COQ5: variants seen among roughly 807,000 people sequenced by gnomAD.
COQ5 encodes coenzyme Q5, methyltransferase.
Under a neutral mutation model 40.5 loss-of-function variants are expected in COQ5, and 27 were observed. The ratio of observed to expected loss-of-function variants is 0.67; its 90% CI spans 0.49 to 0.92. The LOEUF is 0.92. Among genes scored for constraint, COQ5 ranks in the 40% least tolerant of loss-of-function variants. The pLI is 0.00. For missense variants in COQ5, 409 were observed against 406.4 expected (o/e 1.01, Z -0.06); for synonymous variants, 141 against 150.0 (o/e 0.94, Z 0.44).
chr12:120,512,375 G>A (rs1390850250), intron 3 of COQ5, among the ~76,000 whole-genome samples: 2 of 152,160 alleles, frequency 1.3e-5, no homozygotes, highest in African/African-American at 4.8e-5. Flanking sequence ...GGCTGAGGCA[G>A]GTGGATCACG....
intron 4 of COQ5, among the ~76,000 whole-genome samples, chr12:120,507,005 T>C (rs1277734061): frequency 6.6e-6 from 1 of 151,920 alleles, no homozygotes; most frequent in Non-Finnish European, 1.5e-5. Flanking sequence ...GGCTAATTTT[T>C]GTATTTTTAG....
At chr12:120,523,142 T>C in intron 1 of COQ5, 1 of 277,426 alleles carries the variant, frequency 3.6e-6, no homozygotes, top group Non-Finnish European at 6.7e-6. Context: ...ATCGAGACCA[T>C]CCTGGCTAAC....
intron 3 of COQ5, among the ~76,000 whole-genome samples, chr12:120,511,149 G>A (rs1163993920): frequency 1.3e-5 from 2 of 151,436 alleles, no homozygotes; most frequent in South Asian, 2.1e-4. Context: ...CCCAGCTACT[G>A]GGGAGGCTGA....
At chr12:120,505,338 T>C (rs1868830359) in intron 4 of COQ5, among the ~76,000 whole-genome samples, 1 of 152,178 alleles carries the variant, frequency 6.6e-6, no homozygotes, top group African/African-American at 2.4e-5. Flanking sequence ...ATGCTTCTAC[T>C]GTGGGAATGA....
At chr12:120,513,815 C>T (rs558094551) in intron 3 of COQ5, among the ~76,000 whole-genome samples, 9 of 152,132 alleles carry the variant, frequency 5.9e-5, no homozygotes, top group African/African-American at 1.4e-4. Flanking sequence ...CTACTGCGCC[C>T]GACCACACAT....
At chr12:120,523,685 C>A (rs1349767535) in intron 1 of COQ5, among the ~76,000 whole-genome samples, 2 of 152,018 alleles carry the variant, frequency 1.3e-5, no homozygotes, top group East Asian at 3.9e-4. Context: ...GAATTTTTCT[C>A]ATGGTTATTA....
intron 3 of COQ5, among the ~76,000 whole-genome samples, 189 bp from the exon 4 acceptor site, chr12:120,510,312 C>T (rs1409434687): frequency 6.6e-6 from 1 of 151,918 alleles, no homozygotes; most frequent in Non-Finnish European, 1.5e-5. Flanking sequence ...TTTAATCAAT[C>T]ATTATTATTT....
intron 1 of COQ5, 108 bp downstream of exon 1, chr12:120,528,832 A>G (rs1011394393): frequency 2.8e-6 from 3 of 1,057,284 alleles, no homozygotes; most frequent in Non-Finnish European, 4.4e-6. Context: ...ATAACTGCAC[A>G]GACAACAACA....
At position 120,503,478 on chromosome 12, in the gene COQ5, C is replaced by T. The variant is rs778532652; in HGVS notation, c.*306G>A. ...AGCAGAGAAGCTATAAATACACTCA[C>T]TTCAAAACTGAGCTTTAGGGGTGGT... On this transcript the variant is annotated 3_prime_UTR_variant, in exon 7 of 7. Transcript: ENST00000288532. The T allele has an allele frequency of 3.1e-5, 16 of 508,284 alleles. No homozygotes were observed. The highest frequency in any genetic ancestry group is 4.6e-5 in the Non-Finnish European group (12 of 261,538). The allele number at this position is 508,284 out of a possible 1,614,324, so 31.5% of individuals were successfully genotyped here.
chr12:120,522,618 G>C (rs908555812), intron 1 of COQ5: 1 of 650,810 alleles, frequency 1.5e-6, no homozygotes, highest in Non-Finnish European at 2.7e-6. Flanking sequence ...GTCCAGGGGG[G>C]TCACACCAGT....
chr12:120,524,563 A>C (rs1274453577), intron 1 of COQ5, among the ~76,000 whole-genome samples: 4 of 151,934 alleles, frequency 2.6e-5, no homozygotes. Flanking sequence ...CCCGGCCTTA[A>C]AGTTACATTT....
In COQ5 at chr12:120,504,054, G is replaced by A; in HGVS notation, c.798C>T (p.Val266=). 3 of 1,611,556 alleles carry A rather than the reference G, an allele frequency of 1.9e-6. No homozygotes were observed. The highest frequency in any genetic ancestry group is 2.5e-6 in the Non-Finnish European group (3 of 1,177,700). Residue 266 remains valine, a synonymous_variant, in exon 6 of 7, where the codon GTC becomes GTT. Coordinates refer to ENST00000288532, the MANE Select transcript of COQ5 (RefSeq NM_032314.4). ...CGATGACCTCTCCCAGGACAGGGATGACCTGGAAGCTATATAGATCATAAA... is the reference window on the plus strand; with the variant it reads ...CGATGACCTCTCCCAGGACAGGGATAACCTGGAAGCTATATAGATCATAAA... ...SRLYDLYSFQ[V]IPVLGEVIAG...
intron 2 of COQ5, among the ~76,000 whole-genome samples, chr12:120,520,863 T>C (rs1869614330): frequency 6.6e-6 from 1 of 151,792 alleles, no homozygotes; most frequent in Non-Finnish European, 1.5e-5. Context: ...CAAAGGACTG[T>C]GCACAAACTT....
rs565767722 is a variant in COQ5 at position 120,512,210 on chromosome 12, A to AAAAAT, written c.575-2092_575-2088dup. 3.7e-3 allele frequency among the ~76,000 whole-genome samples: 560 copies of AAAAAT among 152,232 alleles called. 4 individuals are homozygous for AAAAAT. The highest frequency in any genetic ancestry group is 7.7e-3 in the East Asian group (40 of 5,180). On this transcript the variant is annotated intron_variant, in intron 3 of 6. Transcript: ENST00000288532. ...GGGTGACAGAACGAGACTCCGTCTC[A>AAAAAT]AAAATAAAATAAAATAAAATAAAAT...
At chr12:120,513,950 A>T (rs1204261319) in intron 3 of COQ5, among the ~76,000 whole-genome samples, 2 of 152,202 alleles carry the variant, frequency 1.3e-5, no homozygotes, top group Non-Finnish European at 2.9e-5. Context: ...AATCTGTACT[A>T]TGGGGCACTT....
intron 3 of COQ5, among the ~76,000 whole-genome samples, chr12:120,514,908 C>T (rs1164132598): frequency 6.6e-6 from 1 of 151,616 alleles, no homozygotes; most frequent in Non-Finnish European, 1.5e-5. Flanking sequence ...ATTCTCCTGC[C>T]TCAGCCTTCA....
intron 3 of COQ5, among the ~76,000 whole-genome samples, chr12:120,512,329 G>A (rs1251821874): frequency 2.0e-5 from 3 of 152,184 alleles, no homozygotes; most frequent in South Asian, 2.1e-4. Context: ...TAGGACGGGC[G>A]CGGTGGCTCA....
rs1171359802 is a variant in COQ5, at chr12:120,517,249, G to A, written c.353-461C>T. Reference sequence around the variant, plus strand: ...CGCCTGTTATCCCAGCTACTTGGGAGCCTGCGGCAGGAGAATAGCTTAAAC... The same window carrying A: ...CGCCTGTTATCCCAGCTACTTGGGAACCTGCGGCAGGAGAATAGCTTAAAC... On this transcript the variant is annotated intron_variant, in intron 2 of 6. Coordinates refer to ENST00000288532, the MANE Select transcript of COQ5 (RefSeq NM_032314.4). Among the ~76,000 whole-genome samples the A allele has an allele frequency of 2.6e-5, 4 of 151,966 alleles. No individual in the cohort carries two copies. In the East Asian group the frequency reaches 5.8e-4, roughly 22 times the overall value.
In COQ5 at chr12:120,528,987, G is replaced by C. The variant is rs776213694; in HGVS notation, c.155C>G (p.Thr52Arg). 1 of 1,614,026 alleles carries C rather than the reference G, an allele frequency of 6.2e-7. No homozygotes were observed. The highest frequency in any genetic ancestry group is 8.5e-7 in the Non-Finnish European group (1 of 1,179,994). The part of the protein sequence containing the change: ...LLSQEKRAAE[T>R]HFGFETVSEE... The stretch of plus-strand genomic sequence containing the variant: ...CGACACAGTCTCAAACCCAAAGTGC[G>C]TTTCCGCTGCCCGCTTCTCTTGGGA... The change falls in exon 1 of 7, where the codon ACG (threonine) becomes AGG (arginine). Residue 52 changes from threonine (T) to arginine (R), a missense_variant. Coordinates refer to ENST00000288532, the MANE Select transcript of COQ5 (RefSeq NM_032314.4).
Sources: allele counts gnomAD v4.1 joint callset (sites outside exome capture counted in the v4.1 genomes callset), GRCh38; gene constraint gnomAD v4.1.1; transcripts MANE v1.5; gene names NCBI Gene and HGNC (gene_info 2026-07-23, HGNC 2026-07-21).